AOPEP: variants seen among roughly 807,000 people sequenced by gnomAD.
AOPEP encodes the protein aminopeptidase O (putative).
Under a neutral mutation model 98.1 loss-of-function variants are expected in AOPEP, and 77 were observed. The ratio of observed to expected loss-of-function variants is 0.78; its 90% confidence interval spans 0.65 to 0.95. AOPEP has a LOEUF of 0.95. Among genes scored for constraint, AOPEP ranks in the 40% least tolerant of loss-of-function variants. AOPEP has a pLI of 0.00. For missense variants in AOPEP, 1,024 were observed against 1,024.7 expected (o/e 1.00, Z 0.01); for synonymous variants, 346 against 365.3 (o/e 0.95, Z 0.60).
chr9:94,775,252 T>C (rs1841820588), intron 3 of AOPEP, among the ~76,000 whole-genome samples: 1 of 152,040 alleles, frequency 6.6e-6, no homozygotes, highest in South Asian at 2.1e-4. Flanking sequence ...AACATTGTCT[T>C]TTTTTTTCAA....
At chr9:94,745,299 CAG>C (rs1177921042) in intron 1 of AOPEP, among the ~76,000 whole-genome samples, 1 of 148,724 alleles carries the variant, frequency 6.7e-6, no homozygotes, top group Non-Finnish European at 1.5e-5. Context: ...TTTTTTGAGA[CAG>C]AGTCTGGCTC....
intron 11 of AOPEP, among the ~76,000 whole-genome samples, chr9:94,979,829 A>G (rs1004427): frequency 0.14 from 21,219 of 152,142 alleles, 3,884 homozygotes; most frequent in African/African-American, 0.42. Flanking sequence ...GATGCGGCCC[A>G]ACACAGGAGT....
chr9:95,121,961 C>T, the AOPEP span, among the ~76,000 whole-genome samples: 5 of 151,842 alleles, frequency 3.3e-5, no homozygotes, highest in African/African-American at 4.8e-5. Flanking sequence ...GGGTTCATGC[C>T]ATTATCCTGC....
intron 7 of AOPEP, among the ~76,000 whole-genome samples, chr9:94,937,406 A>G (rs1045312601): frequency 1.3e-5 from 2 of 152,150 alleles, no homozygotes; most frequent in Non-Finnish European, 2.9e-5. Flanking sequence ...TGCTCTTCCT[A>G]AAGGACACTA....
In AOPEP at chr9:95,041,443, G is replaced by GT. The variant is rs1491320562; in HGVS notation, c.2116-19251_2116-19250insT. On this transcript the variant is annotated intron_variant, in intron 13 of 16. Transcript: ENST00000375315. The stretch of plus-strand genomic sequence containing the variant: ...TGTATACTGTGTACTCAGAGTCCTT[G>GT]GGGGTGTGTGTGTGTGTGTGTGTGT... Among the ~76,000 whole-genome samples, 10 of 146,096 alleles carry GT rather than the reference G, an allele frequency of 6.8e-5. 1 individual carries two copies. The highest frequency in any genetic ancestry group is 2.0e-4 in the East Asian group (1 of 4,938).
chr9:94,944,105 T>C (rs1468213180), intron 7 of AOPEP, among the ~76,000 whole-genome samples: 4 of 151,998 alleles, frequency 2.6e-5, no homozygotes, highest in African/African-American at 9.7e-5. Context: ...AAAAGACAGA[T>C]AATAAAAATC....
At chr9:95,149,290 G>A in the AOPEP span, among the ~76,000 whole-genome samples, 1 of 152,080 alleles carries the variant, frequency 6.6e-6, no homozygotes, top group African/African-American at 2.4e-5. Context: ...GGGCCTACCT[G>A]AGCAACGGTA....
rs149874627 is a variant in AOPEP, at chr9:94,796,889, G to T, written c.1119-3868G>T. 6.9e-4 allele frequency among the ~76,000 whole-genome samples: 105 copies of T among 152,322 alleles called. 1 individual carries two copies. The highest frequency in any genetic ancestry group is 2.4e-3 in the African/African-American group (100 of 41,574). ...GTTTCTTTAACCTCTTGAGGCCTTT[G>T]TGGGGGCCATACAGTTTAAACACGA... On this transcript the variant is annotated intron_variant, in intron 4 of 16. Transcript: ENST00000375315.
intron 5 of AOPEP, among the ~76,000 whole-genome samples, chr9:94,892,906 T>C (rs1476346826): frequency 2.6e-5 from 4 of 152,132 alleles, no homozygotes; most frequent in Non-Finnish European, 4.4e-5. Context: ...TTGCCCAGGC[T>C]TGTCTTGAAC....
At chr9:94,869,702 G>C (rs183955751) in intron 5 of AOPEP, among the ~76,000 whole-genome samples, 27 of 152,124 alleles carry the variant, frequency 1.8e-4, no homozygotes, top group Non-Finnish European at 5.9e-5. Context: ...GATACGGCTC[G>C]TGTTACCCAG....
intron 1 of AOPEP, among the ~76,000 whole-genome samples, chr9:94,748,650 A>G (rs1835043547): frequency 6.6e-6 from 1 of 152,118 alleles, no homozygotes; most frequent in Admixed American, 6.5e-5. Context: ...AGGATACCAC[A>G]TTGCATTTTA....
rs147376186 is a variant in AOPEP at position 94,760,139 on chromosome 9, A to G, written c.356A>G (p.Gln119Arg). The G allele has an allele frequency of 6.2e-7, 1 of 1,614,134 alleles. No homozygotes were observed. The highest frequency in any genetic ancestry group is 1.3e-5 in the African/African-American group (1 of 74,946). ...GATAAAGATGGTAACCATGACAACCAGGAACATGCTTCTGGGATTTCTAGC... is the reference window on the plus strand; with the variant it reads ...GATAAAGATGGTAACCATGACAACCGGGAACATGCTTCTGGGATTTCTAGC... ...TSDKDGNHDN[Q>R]EHASGISSSK... The change falls in exon 2 of 17, where the codon CAG (glutamine) becomes CGG (arginine). Residue 119 changes from glutamine to arginine, a missense_variant. Gln to Arg is a conservative substitution (Grantham distance 43, BLOSUM62 1). This residue lies in a region of AOPEP where 440 missense variants were observed against 433.8 expected (regional missense o/e 1.01). Transcript: ENST00000375315.
At chr9:94,895,234 T>TAAAAAAA (rs1188345681) in intron 5 of AOPEP, among the ~76,000 whole-genome samples, 1 of 36,360 alleles carries the variant, frequency 2.8e-5, no homozygotes, top group Non-Finnish European at 8.3e-5. Flanking sequence ...AAAAATAAAA[T>TAAAAAAA]AAAATAAAAA....
At chr9:95,069,164 T>G (rs1408680270) in intron 14 of AOPEP, among the ~76,000 whole-genome samples, 1 of 152,248 alleles carries the variant, frequency 6.6e-6, no homozygotes, top group Admixed American at 6.5e-5. Flanking sequence ...CCCAATCGAC[T>G]TACTTGCTGG....
the AOPEP span, chr9:95,125,048 C>A: frequency 1.9e-6 from 3 of 1,540,714 alleles, no homozygotes; most frequent in African/African-American, 1.4e-5. Context: ...GCGTCTTATT[C>A]TCTGGGATGA....
intron 5 of AOPEP, among the ~76,000 whole-genome samples, chr9:94,854,868 A>T (rs762288782): frequency 1.8e-4 from 27 of 152,182 alleles, no homozygotes; most frequent in Non-Finnish European, 3.1e-4. Flanking sequence ...AGCTCTACAT[A>T]TGAGTTAGGA....
chr9:95,126,047 C>T, the AOPEP span, among the ~76,000 whole-genome samples: 153 of 152,310 alleles, frequency 1.0e-3, 2 homozygotes, highest in African/African-American at 3.6e-3. Context: ...CTCATATTTT[C>T]AAAATAAAAA....
At chr9:95,038,014 T>A (rs529661126) in intron 13 of AOPEP, among the ~76,000 whole-genome samples, 1 of 152,252 alleles carries the variant, frequency 6.6e-6, no homozygotes, top group South Asian at 2.1e-4. Flanking sequence ...GTGAGAAACC[T>A]TCCATCCAGC....
At chr9:94,874,193 A>G (rs1023842785) in intron 5 of AOPEP, among the ~76,000 whole-genome samples, 4 of 152,212 alleles carry the variant, frequency 2.6e-5, no homozygotes, top group African/African-American at 4.8e-5. Context: ...CTCCAATGTT[A>G]TATACCAGGC....
Sources: allele counts gnomAD v4.1 joint callset (sites outside exome capture counted in the v4.1 genomes callset), GRCh38; gene constraint gnomAD v4.1.1; regional missense constraint gnomAD v4.1.1; transcripts MANE v1.5; gene names NCBI Gene and HGNC (gene_info 2026-07-23, HGNC 2026-07-21).